Variants in TRPV3 observed in about 807,000 individuals in gnomAD.
TRPV3 encodes transient receptor potential cation channel subfamily V member 3, also known as VRL-3.
In TRPV3, 88 loss-of-function variants were observed where a neutral mutation model predicts 87.1. That is an observed-to-expected ratio of 1.01 (90% CI 0.85 to 1.21). TRPV3 has a LOEUF of 1.21. Among genes scored for constraint, TRPV3 ranks in the 50% most tolerant of loss-of-function variants. TRPV3 has a pLI of 0.00. For synonymous variants in TRPV3, 438 were observed against 423.3 expected (o/e 1.03, Z -0.43); for missense variants, 1,054 against 1,030.1 (o/e 1.02, Z -0.32).
Position 3,518,855 on chromosome 17 carries a change from G to C in TRPV3, c.1811-5C>G. The C allele has an allele frequency of 6.2e-7, 1 of 1,611,914 alleles. No individual in the cohort carries two copies. Among genetic ancestry groups the C allele is most frequent in the African/African-American group, 1.3e-5 (1 of 75,016 alleles). On this transcript the variant is annotated splice_polypyrimidine_tract_variant and splice_region_variant and intron_variant, in intron 14 of 17. Coordinates refer to ENST00000576742, the MANE Select transcript of TRPV3 (RefSeq NM_145068.4). The surrounding 1 kb of genome is among the most constrained non-coding windows in gnomAD (Gnocchi z 4.3). ...TCTCGATCAGCGAGGCCAAGGCTAA[G>C]GGAACATAACAGGGTGCTCTCCTCA...
chr17:3,537,792 G>C (rs1943436945), intron 6 of TRPV3, among the ~76,000 whole-genome samples: 2 of 150,338 alleles, frequency 1.3e-5, no homozygotes, highest in African/African-American at 4.9e-5. Flanking sequence ...TGTAGTCCCA[G>C]CTACTCAGGA....
chr17:3,526,721 C>A lies in TRPV3; in HGVS notation c.1577+133G>T, dbSNP rs989529330. 7.1e-6 allele frequency: 5 copies of A among 709,016 alleles called. No individual in the cohort carries two copies. The East Asian group carries it at 1.1e-4, about 16-fold the overall frequency. 43.9% of individuals were successfully genotyped at this position (709,016 alleles called of 1,614,324 possible). A position where few individuals can be genotyped will look rare whatever the true frequency, so the allele number is the denominator to read the frequency against. On this transcript the variant is annotated intron_variant, in intron 12 of 17. Transcript: ENST00000576742. ...TAGGAGGAAGAGAGGAGACCCCTGGCGTGTAACCATGGCAGAGTGACTGGG... is the reference window on the plus strand; with the variant it reads ...TAGGAGGAAGAGAGGAGACCCCTGGAGTGTAACCATGGCAGAGTGACTGGG...
At chr17:3,532,579 G>C in intron 8 of TRPV3, 78 bp downstream of exon 8, 1 of 1,533,458 alleles carries the variant, frequency 6.5e-7, no homozygotes, top group Non-Finnish European at 8.8e-7. Context: ...TCCCCAGTAA[G>C]GCCCCCGGGG....
chr17:3,539,276 A>G (rs2074436552), intron 6 of TRPV3, among the ~76,000 whole-genome samples: 1 of 152,114 alleles, frequency 6.6e-6, no homozygotes, highest in Non-Finnish European at 1.5e-5. Context: ...AAAACTCCAC[A>G]AAGTATATGG....
rs758439917 is a variant in TRPV3, at chr17:3,530,079, G to A, written c.1190C>T (p.Thr397Ile). The change falls in exon 9 of 18, where the codon ACC (threonine) becomes ATC (isoleucine). Residue 397 changes from threonine to isoleucine, a missense_variant. Transcript: ENST00000576742. This position sits in a 1 kb window ranked among gnomAD's most constrained non-coding sequence, Gnocchi z 4.0. ...TTCCAGCACTGAGTTGTCCGTGGTG[G>A]TGTCCACGTTGGTGAGGTCGTAGAG... ...SSLYDLTNVD[T>I]TTDNSVLEIT... 1.9e-5 allele frequency: 31 copies of A among 1,613,976 alleles called. No individual in the cohort carries two copies. Among genetic ancestry groups the A allele is most frequent in the East Asian group, 8.9e-5 (4 of 44,894 alleles).
At chr17:3,544,752 T>C in intron 3 of TRPV3, 87 bp from the exon 4 acceptor site, 1 of 949,176 alleles carries the variant, frequency 1.1e-6, no homozygotes, top group Non-Finnish European at 1.6e-6. Flanking sequence ...ATCCCAGCAC[T>C]TTGGGAGGCC....
At chr17:3,541,477 C>T (rs189891624) in intron 6 of TRPV3, among the ~76,000 whole-genome samples, 92 of 152,262 alleles carry the variant, frequency 6.0e-4, no homozygotes, top group Non-Finnish European at 1.0e-3. Context: ...CTCATAAGAC[C>T]GTAAAGCGCT....
intron 14 of TRPV3, among the ~76,000 whole-genome samples, chr17:3,520,087 G>A (rs2074233501): frequency 6.6e-6 from 1 of 151,866 alleles, no homozygotes; most frequent in African/African-American, 2.4e-5. Flanking sequence ...AGGTGAAGGA[G>A]CAAATAAATA....
In TRPV3 at chr17:3,524,230, A is replaced by G. The variant is rs766283069; in HGVS notation, c.1711T>C (p.Ser571Pro). The G allele has an allele frequency of 5.0e-6, 8 of 1,614,210 alleles. No homozygotes were observed. The highest frequency in any genetic ancestry group is 1.7e-6 in the Non-Finnish European group (2 of 1,180,030). ...NMLYYTRGFQ[S>P]MGMYSVMIQK... Reference sequence around the variant, plus strand: ...ATCATGACGCTGTACATGCCCATGGACTGGAAACCCCGCGTATAGTAGAGC... The same window carrying G: ...ATCATGACGCTGTACATGCCCATGGGCTGGAAACCCCGCGTATAGTAGAGC... Residue 571 changes from serine to proline, a missense_variant, in exon 13 of 18, where the codon TCC becomes CCC. By Grantham distance (74) the Ser-to-Pro change is moderately conservative. Coordinates refer to ENST00000576742, the MANE Select transcript of TRPV3 (RefSeq NM_145068.4).
chr17:3,521,001 A>G lies in TRPV3; in HGVS notation c.1782T>C (p.Tyr594=). 6.2e-7 allele frequency: 1 copy of G among 1,607,604 alleles called. No individual in the cohort carries two copies. Among genetic ancestry groups the G allele is most frequent in the African/African-American group, 1.3e-5 (1 of 74,864 alleles). ...CTCCAAATCCAAGCAAAAACACGATATATACAAACAAGAACTTCAGAACAT... is the reference window on the plus strand; with the variant it reads ...CTCCAAATCCAAGCAAAAACACGATGTATACAAACAAGAACTTCAGAACAT... The part of the protein sequence containing the change: ...LHDVLKFLFV[Y]IVFLLGFGVA... Residue 594 remains tyrosine (Y), a synonymous_variant, in exon 14 of 18, where the codon TAT becomes TAC. Coordinates refer to ENST00000576742, the MANE Select transcript of TRPV3 (RefSeq NM_145068.4).
intron 7 of TRPV3, 67 bp from the exon 8 acceptor site, chr17:3,533,004 G>T: frequency 6.4e-7 from 1 of 1,568,520 alleles, no homozygotes; most frequent in South Asian, 1.1e-5. Flanking sequence ...CAAGCCCCAG[G>T]ACTGGGGCCC....
rs117137649 is a variant in TRPV3 at position 3,541,612 on chromosome 17, A to G, written c.643+910T>C. Among the ~76,000 whole-genome samples, 10 of 152,302 alleles carry G rather than the reference A, an allele frequency of 6.6e-5. No individual in the cohort carries two copies. In the East Asian group the frequency reaches 1.9e-3, roughly 29 times the overall value. ...TCCTCTCTGGCCCACTTACAAAGAA[A>G]TCCACAAAACTGAGACCCAAATGGG... On this transcript the variant is annotated intron_variant, in intron 6 of 17. Transcript: ENST00000576742.
rs1254211002 is a variant in TRPV3 at position 3,527,922 on chromosome 17, C to T, written c.1503+103G>A. The T allele has an allele frequency of 1.1e-5, 10 of 919,350 alleles. No individual in the cohort carries two copies. In the Admixed American group the frequency reaches 1.5e-4, roughly 14 times the overall value. The allele number at this position is 919,350 out of a possible 1,614,324, so 56.9% of individuals were successfully genotyped here. On this transcript the variant is annotated intron_variant, in intron 11 of 17. Transcript: ENST00000576742. ...AAAGGTAAGGCTTGGGAAGGAAACG[C>T]CTCCCCAGAACCCCCCAGCAGTAAT...
chr17:3,521,823 C>T (rs2074248518), intron 13 of TRPV3, among the ~76,000 whole-genome samples: 1 of 152,126 alleles, frequency 6.6e-6, no homozygotes, highest in South Asian at 2.1e-4. Context: ...CGCCTGTAAT[C>T]CCAACACTTT....
At chr17:3,537,522 C>A (rs1022775895) in intron 6 of TRPV3, among the ~76,000 whole-genome samples, 2 of 152,106 alleles carry the variant, frequency 1.3e-5, no homozygotes, top group Non-Finnish European at 2.9e-5. Flanking sequence ...CCCCCTACCT[C>A]GGAGATTTCT....
Position 3,542,785 on chromosome 17 carries a change from C to T in TRPV3, c.467-87G>A, listed in dbSNP as rs1567642226. Reference sequence around the variant, plus strand: ...CCAGAGGGTGTGGTTGCTGCAGCCGCAGACCCCAAGCCCCTGCTCCACATC... The same window carrying T: ...CCAGAGGGTGTGGTTGCTGCAGCCGTAGACCCCAAGCCCCTGCTCCACATC... On this transcript the variant is annotated intron_variant, in intron 5 of 17. Coordinates refer to ENST00000576742, the MANE Select transcript of TRPV3 (RefSeq NM_145068.4). 17 of 1,427,872 alleles carry T rather than the reference C, an allele frequency of 1.2e-5. No homozygotes were observed. The South Asian group carries it at 1.9e-4, about 16-fold the overall frequency. The allele number at this position is 1,427,872 out of a possible 1,614,324, so 88.5% of individuals were successfully genotyped here. A position where few individuals can be genotyped will look rare whatever the true frequency, so the allele number is the denominator to read the frequency against.
chr17:3,551,361 C>T (rs574028258), intron 2 of TRPV3, among the ~76,000 whole-genome samples: 2 of 152,342 alleles, frequency 1.3e-5, no homozygotes, highest in African/African-American at 4.8e-5. Context: ...TCCCACCCAG[C>T]GTCATAAGCA....
chr17:3,516,439 C>T lies in TRPV3; in HGVS notation c.2198+18G>A. The T allele has an allele frequency of 1.2e-6, 2 of 1,604,904 alleles. No homozygotes were observed. The highest frequency in any genetic ancestry group is 1.7e-6 in the Non-Finnish European group (2 of 1,171,622). On this transcript the variant is annotated intron_variant, in intron 16 of 17. Coordinates refer to ENST00000576742, the MANE Select transcript of TRPV3 (RefSeq NM_145068.4). Reference sequence around the variant, plus strand: ...CACCCCAAAGACCACCACCCCAGGGCCCTTCTCCCTTTGTTACCGCAAACA... The same window carrying T: ...CACCCCAAAGACCACCACCCCAGGGTCCTTCTCCCTTTGTTACCGCAAACA...
intron 7 of TRPV3, among the ~76,000 whole-genome samples, chr17:3,533,650 C>T (rs2074372159): frequency 6.6e-6 from 1 of 152,096 alleles, no homozygotes; most frequent in South Asian, 2.1e-4. Flanking sequence ...AGGCGCCCGC[C>T]ACCACGCCCG....
Sources: gnomAD v4.1 joint callset for allele counts (sites outside exome capture counted in the v4.1 genomes callset) on GRCh38, gnomAD v4.1.1 for gene constraint, Gnocchi (gnomAD v3.1) non-coding constraint, MANE v1.5 for transcripts, NCBI Gene and HGNC (gene_info 2026-07-23, HGNC 2026-07-21) for gene names.